The following KIF17 variants were observed in gnomAD, a reference collection of about 807,000 sequenced individuals.
KIF17 encodes the protein kinesin-like protein KIF17.
KIF17 carries 80 observed loss-of-function variants against 96.8 expected under a neutral mutation model. That is an observed-to-expected ratio of 0.83 (90% CI 0.69 to 1.00). KIF17 has a LOEUF of 1.00. KIF17 is among the 50% of genes least tolerant of loss of function. The probability of loss-of-function intolerance (pLI) is 0.00; values close to 1 mark genes in which losing one functional copy is unlikely to be tolerated. For synonymous variants in KIF17, 567 were observed against 587.5 expected (o/e 0.97, Z 0.51); for missense variants, 1,280 against 1,372.9 (o/e 0.93, Z 1.07).
intron 10 of KIF17, among the ~76,000 whole-genome samples, chr1:20,683,798 C>T (rs2053877127): frequency 6.6e-6 from 1 of 152,244 alleles, no homozygotes; most frequent in South Asian, 2.1e-4. Flanking sequence ...TCACGGCTGG[C>T]ACGTCTCCAA....
chr1:20,671,458 G>C (rs1396191828), intron 12 of KIF17, among the ~76,000 whole-genome samples: 1 of 152,026 alleles, frequency 6.6e-6, no homozygotes, highest in African/African-American at 2.4e-5. Context: ...AGCCCCCATA[G>C]TAGCTGGGAC....
intron 3 of KIF17, among the ~76,000 whole-genome samples, chr1:20,713,193 A>G (rs34403052): frequency 0.14 from 21,478 of 149,878 alleles, 1,909 homozygotes; most frequent in East Asian, 0.41. Context: ...ATGGGTTTTC[A>G]CCATGTTGGC....
At chr1:20,669,653 C>T (rs2053602947) in intron 13 of KIF17, among the ~76,000 whole-genome samples, 1 of 149,528 alleles carries the variant, frequency 6.7e-6, no homozygotes, top group Non-Finnish European at 1.5e-5. Flanking sequence ...GCAGGAGGAT[C>T]ACAAGGTCAA....
intron 4 of KIF17, among the ~76,000 whole-genome samples, 176 bp from the exon 5 acceptor site, chr1:20,705,075 G>T (rs1337701132): frequency 1.3e-5 from 2 of 152,246 alleles, no homozygotes; most frequent in Non-Finnish European, 2.9e-5. Context: ...GGTAGACTGA[G>T]GTTCAGAGAG....
At chr1:20,665,219 CTTTTTTTT>C (rs59635021) in intron 14 of KIF17, among the ~76,000 whole-genome samples, 9 of 61,280 alleles carry the variant, frequency 1.5e-4, no homozygotes, top group Admixed American at 2.7e-4. Flanking sequence ...CAAATTTGCT[CTTTTTTTT>C]TTTTTTTTTT....
At chr1:20,678,671 A>G (rs2053778578) in intron 11 of KIF17, among the ~76,000 whole-genome samples, 1 of 152,276 alleles carries the variant, frequency 6.6e-6, no homozygotes, top group South Asian at 2.1e-4. Context: ...AGGTAAGCAG[A>G]GAGCATCCAG....
intron 12 of KIF17, among the ~76,000 whole-genome samples, chr1:20,670,778 G>A (rs947496906): frequency 5.3e-5 from 8 of 152,158 alleles, no homozygotes; most frequent in Admixed American, 6.5e-5. Flanking sequence ...TGTGGGAAAT[G>A]GAGGCGGGCT....
intron 11 of KIF17, 115 bp downstream of exon 11, chr1:20,682,538 G>T: frequency 1.2e-6 from 1 of 828,920 alleles, no homozygotes. Flanking sequence ...ATGCATGCCT[G>T]CTGTGTAAAG....
intron 6 of KIF17, among the ~76,000 whole-genome samples, chr1:20,695,890 C>A (rs2154536629): frequency 6.6e-6 from 1 of 152,314 alleles, no homozygotes; most frequent in Admixed American, 6.5e-5. Flanking sequence ...GTGTCCAGCA[C>A]CCAGCACGCG....
rs150119925 is a variant in KIF17 at position 20,704,036 on chromosome 1, G to T, written c.1123+411C>A. Reference sequence around the variant, plus strand: ...AGGCAAATGCCAGGGCGCAAAAGCTGCAGTAACAAGGTGCCTGCGAGGAGC... The same window carrying T: ...AGGCAAATGCCAGGGCGCAAAAGCTTCAGTAACAAGGTGCCTGCGAGGAGC... On this transcript the variant is annotated intron_variant, in intron 5 of 14. Coordinates refer to ENST00000400463, the MANE Select transcript of KIF17 (RefSeq NM_001122819.3). The surrounding 1 kb of genome is among the most constrained non-coding windows in gnomAD (Gnocchi z 6.8). Among the ~76,000 whole-genome samples the T allele has an allele frequency of 2.1e-3, 322 of 152,302 alleles. 1 individual carries two copies. Among genetic ancestry groups the T allele is most frequent in the African/African-American group, 7.2e-3 (301 of 41,562 alleles).
intron 5 of KIF17, among the ~76,000 whole-genome samples, chr1:20,702,410 G>A (rs915923799): frequency 1.3e-5 from 2 of 152,134 alleles, no homozygotes; most frequent in Non-Finnish European, 2.9e-5. Flanking sequence ...CGGGGGCCGC[G>A]GGCCGAGCCT....
intron 6 of KIF17, among the ~76,000 whole-genome samples, chr1:20,695,176 A>T (rs1307552027): frequency 2.0e-5 from 3 of 150,968 alleles, no homozygotes; most frequent in Non-Finnish European, 4.4e-5. Context: ...ACCAATCTCC[A>T]TTCTTTTTTT....
In KIF17 at chr1:20,699,456, C is replaced by T. The variant is rs1228364089; in HGVS notation, c.1124-968G>A. Among the ~76,000 whole-genome samples, 4 of 152,190 alleles carry T rather than the reference C, an allele frequency of 2.6e-5. No homozygotes were observed. The highest frequency in any genetic ancestry group is 9.7e-5 in the African/African-American group (4 of 41,440). The stretch of plus-strand genomic sequence containing the variant: ...TGGCGGGAGCCTGTAATCCCAGCTA[C>T]TCAGGAGGCTGAGGCAGGAGGATTG... On this transcript the variant is annotated intron_variant, in intron 5 of 14. Coordinates refer to ENST00000400463, the MANE Select transcript of KIF17 (RefSeq NM_001122819.3). This position sits in a 1 kb window ranked among gnomAD's most constrained non-coding sequence, Gnocchi z 4.3.
intron 13 of KIF17, among the ~76,000 whole-genome samples, chr1:20,667,099 G>C (rs2053543475): frequency 1.3e-5 from 2 of 152,188 alleles, no homozygotes; most frequent in East Asian, 3.9e-4. Flanking sequence ...GCCATGGACT[G>C]GTACCAGTCC....
chr1:20,714,128 T>C (rs576457462), intron 2 of KIF17, among the ~76,000 whole-genome samples: 18 of 152,006 alleles, frequency 1.2e-4, no homozygotes, highest in South Asian at 6.2e-4. Context: ...GAGATCGAGA[T>C]CATCCTGGCT....
chr1:20,704,086 G>T lies in KIF17; in HGVS notation c.1123+361C>A, dbSNP rs1343485521. ...CAGGTGTGGCCGTGGGGAGTGAGTT[G>T]CCAGCTGCTGAGCAGCGAACACGCA... On this transcript the variant is annotated intron_variant, in intron 5 of 14. Transcript: ENST00000400463. This position sits in a 1 kb window ranked among gnomAD's most constrained non-coding sequence, Gnocchi z 6.8. 6.8e-6 allele frequency among the ~76,000 whole-genome samples: 1 copy of T among 146,908 alleles called. No homozygotes were observed. Among genetic ancestry groups the T allele is most frequent in the Non-Finnish European group, 1.5e-5 (1 of 66,550 alleles).
At chr1:20,714,796 C>CAG (rs762188061) in intron 2 of KIF17, among the ~76,000 whole-genome samples, 1 of 107,662 alleles carries the variant, frequency 9.3e-6, no homozygotes, top group East Asian at 2.5e-4. Context: ...GACTCCGTCT[C>CAG]AAAAAAAAAA....
intron 13 of KIF17, among the ~76,000 whole-genome samples, chr1:20,667,422 G>A (rs1463533254): frequency 6.6e-6 from 1 of 152,140 alleles, no homozygotes; most frequent in Middle Eastern, 3.2e-3. Flanking sequence ...CTACATGATG[G>A]TGAGTTATAT....
In KIF17 at chr1:20,685,968, G is replaced by T; in HGVS notation, c.2019+78C>A. 8.6e-7 allele frequency: 1 copy of T among 1,159,740 alleles called. No individual in the cohort carries two copies. Among genetic ancestry groups the T allele is most frequent in the Non-Finnish European group, 1.3e-6 (1 of 789,986 alleles). The allele number at this position is 1,159,740 out of a possible 1,614,324, so 71.8% of individuals were successfully genotyped here. Reference sequence around the variant, plus strand: ...GGATGAGGAAACTGAAGCTCAGGGAGGGAGAAGACAAGCTGGAGTTTCCCA... The same window carrying T: ...GGATGAGGAAACTGAAGCTCAGGGATGGAGAAGACAAGCTGGAGTTTCCCA... On this transcript the variant is annotated intron_variant, in intron 9 of 14. Transcript: ENST00000400463. This position sits in a 1 kb window ranked among gnomAD's most constrained non-coding sequence, Gnocchi z 4.1.
Sources: gnomAD v4.1 joint callset for allele counts (sites outside exome capture counted in the v4.1 genomes callset) on GRCh38, gnomAD v4.1.1 for gene constraint, Gnocchi (gnomAD v3.1) non-coding constraint, MANE v1.5 for transcripts, NCBI Gene and HGNC (gene_info 2026-07-23, HGNC 2026-07-21) for gene names.